Variants in DCP2 observed in about 807,000 individuals in gnomAD.
DCP2 encodes the protein decapping mRNA 2.
In DCP2, 30 loss-of-function variants were observed where a neutral mutation model predicts 56.1. That is an observed-to-expected ratio of 0.53 (90% confidence interval 0.40 to 0.73). The LOEUF is 0.73. DCP2 is among the 30% of genes least tolerant of loss of function. DCP2 has a pLI of 0.00. For synonymous variants in DCP2, 197 were observed against 163.3 expected (o/e 1.21, Z -1.57); for missense variants, 533 against 502.7 (o/e 1.06, Z -0.58).
rs1008966392 is a variant in DCP2 at position 113,013,685 on chromosome 5, A to G, written c.*201A>G. ...CAGTTATAACCTTTTATACAGATTT[A>G]CCTTTTCAGTGTTCAGTACAAGTTT... On this transcript the variant is annotated 3_prime_UTR_variant, in exon 11 of 11. Transcript: ENST00000389063. 1.4e-5 allele frequency: 7 copies of G among 515,710 alleles called. No homozygotes were observed. Among genetic ancestry groups the G allele is most frequent in the Middle Eastern group, 5.1e-4 (1 of 1,950 alleles). The allele number at this position is 515,710 out of a possible 1,614,324, so 31.9% of individuals were successfully genotyped here. A position where few individuals can be genotyped will look rare whatever the true frequency, so the allele number is the denominator to read the frequency against.
At chr5:112,981,074 T>G (rs1001555374) in intron 1 of DCP2, among the ~76,000 whole-genome samples, 4 of 152,118 alleles carry the variant, frequency 2.6e-5, no homozygotes, top group African/African-American at 4.8e-5. Context: ...CCAGGCATGA[T>G]CATAGCTCAC....
intron 1 of DCP2, among the ~76,000 whole-genome samples, chr5:112,981,946 A>G (rs1169412348): frequency 6.6e-6 from 1 of 151,944 alleles, no homozygotes; most frequent in Non-Finnish European, 1.5e-5. Flanking sequence ...TTATATTTTT[A>G]GTGGAGACGG....
intron 2 of DCP2, among the ~76,000 whole-genome samples, chr5:112,988,222 C>T (rs1383782694): frequency 6.6e-6 from 1 of 151,794 alleles, no homozygotes; most frequent in African/African-American, 2.4e-5. Context: ...GTGGCTCATG[C>T]CTGTAATCCC....
intron 4 of DCP2, among the ~76,000 whole-genome samples, chr5:112,995,341 G>A (rs1052456059): frequency 6.6e-6 from 1 of 152,174 alleles, no homozygotes; most frequent in Non-Finnish European, 1.5e-5. Context: ...AATTGTAAAA[G>A]TCCTCCCTTT....
intron 4 of DCP2, among the ~76,000 whole-genome samples, chr5:113,000,066 A>AAG (rs1423494475): frequency 1.3e-5 from 2 of 148,484 alleles, no homozygotes; most frequent in African/African-American, 2.6e-5. Flanking sequence ...CATCTCAAAA[A>AAG]AAAAAAAAAA....
chr5:113,008,379 G>C (rs1749537009), intron 9 of DCP2: 1 of 181,346 alleles, frequency 5.5e-6, no homozygotes, highest in Non-Finnish European at 1.1e-5. Context: ...AAGTTTGGGG[G>C]GATTTGACTA....
intron 1 of DCP2, among the ~76,000 whole-genome samples, chr5:112,982,373 T>A (rs919845266): frequency 2.6e-5 from 4 of 152,206 alleles, no homozygotes; most frequent in Non-Finnish European, 5.9e-5. Context: ...AATACTAGAA[T>A]TCACTTTCAC....
chr5:112,995,308 G>C (rs142218505), intron 4 of DCP2, among the ~76,000 whole-genome samples: 1 of 152,330 alleles, frequency 6.6e-6, no homozygotes, highest in African/African-American at 2.4e-5. Context: ...TCTTTCTGTA[G>C]ATGGTAGGAA....
intron 10 of DCP2, among the ~76,000 whole-genome samples, chr5:113,011,384 G>A (rs768562124): frequency 1.5e-4 from 23 of 152,162 alleles, no homozygotes; most frequent in Non-Finnish European, 2.9e-4. Flanking sequence ...TGTCTGATTC[G>A]GAAAGTAATC....
At chr5:112,999,648 A>G (rs1193128203) in intron 4 of DCP2, among the ~76,000 whole-genome samples, 1 of 147,928 alleles carries the variant, frequency 6.8e-6, no homozygotes, top group Non-Finnish European at 1.5e-5. Context: ...TTTTTTAAAG[A>G]CAGGGTCTTG....
intron 1 of DCP2, 31 bp from the exon 2 acceptor site, chr5:112,985,804 G>GT: frequency 6.3e-7 from 1 of 1,590,614 alleles, no homozygotes; most frequent in Non-Finnish European, 8.6e-7. Context: ...GTTTGTAAAT[G>GT]TAATTTTTGT....
chr5:112,999,790 G>A (rs1258134761), intron 4 of DCP2, among the ~76,000 whole-genome samples: 1 of 151,804 alleles, frequency 6.6e-6, no homozygotes, highest in Non-Finnish European at 1.5e-5. Context: ...GCCGGGCATG[G>A]TGGCTCATAC....
chr5:113,018,581 T>G lies in DCP2; in HGVS notation c.*5097T>G, dbSNP rs1359499632. 1 of 152,236 alleles carries G rather than the reference T, an allele frequency of 6.6e-6. No individual in the cohort carries two copies. Among genetic ancestry groups the G allele is most frequent in the Non-Finnish European group, 1.5e-5 (1 of 68,044 alleles). The allele number at this position is 152,236 out of a possible 1,614,324, so 9.4% of individuals were successfully genotyped here. A position where few individuals can be genotyped will look rare whatever the true frequency, so the allele number is the denominator to read the frequency against. On this transcript the variant is annotated 3_prime_UTR_variant, in exon 11 of 11. Transcript: ENST00000389063. ...CCCTAACCTTTAGTAGACTTCAGTC[T>G]TTTAGTCCAGTAGAAGACAATGGCC...
chr5:112,985,733 C>G (rs1293004006), intron 1 of DCP2, 102 bp from the exon 2 acceptor site: 1 of 1,343,368 alleles, frequency 7.4e-7, no homozygotes, highest in Admixed American at 1.9e-5. Flanking sequence ...GCTCTTGGTC[C>G]CTTTTCTCAG....
At chr5:112,990,259 C>T (rs1561689843) in intron 2 of DCP2, among the ~76,000 whole-genome samples, 1 of 152,192 alleles carries the variant, frequency 6.6e-6, no homozygotes, top group South Asian at 2.1e-4. Flanking sequence ...CATCCTTTCT[C>T]TGCCACTTAC....
intron 8 of DCP2, among the ~76,000 whole-genome samples, chr5:113,005,261 A>C (rs2150187280): frequency 6.6e-6 from 1 of 152,262 alleles, no homozygotes; most frequent in Admixed American, 6.5e-5. Context: ...ATATTTGCAA[A>C]TTATATATAT....
At chr5:112,999,133 GA>G (rs1183096663) in intron 4 of DCP2, among the ~76,000 whole-genome samples, 1 of 152,094 alleles carries the variant, frequency 6.6e-6, no homozygotes, top group East Asian at 1.9e-4. Context: ...GTAACACAAA[GA>G]TAACAGGCTC....
intron 8 of DCP2, among the ~76,000 whole-genome samples, chr5:113,006,073 G>A (rs998406693): frequency 1.4e-5 from 2 of 142,250 alleles, no homozygotes; most frequent in East Asian, 2.0e-4. Context: ...CTGTGGTGGC[G>A]CCATTGCACT....
At chr5:113,013,163 A>G (rs561776499) in intron 10 of DCP2, among the ~76,000 whole-genome samples, 158 bp from the exon 11 acceptor site, 32 of 152,314 alleles carry the variant, frequency 2.1e-4, no homozygotes, top group Admixed American at 8.5e-4. Flanking sequence ...CAGTTTATGG[A>G]AAGGAAAATA....
Sources: allele counts gnomAD v4.1 joint callset (sites outside exome capture counted in the v4.1 genomes callset), GRCh38; gene constraint gnomAD v4.1.1; transcripts MANE v1.5; gene names NCBI Gene and HGNC (gene_info 2026-07-23, HGNC 2026-07-21).